Variants in SGK2 observed in about 807,000 individuals in gnomAD.
SGK2 encodes serine/threonine-protein kinase Sgk2.
A neutral mutation model predicts 47.5 loss-of-function variants in SGK2; 36 were observed. The observed-to-expected ratio is 0.76, with a 90% CI of 0.58 to 1.00. The LOEUF (loss-of-function observed/expected upper bound fraction) is 1.00. Among genes scored for constraint, SGK2 ranks in the 50% least tolerant of loss-of-function variants. SGK2 has a pLI of 0.00. For synonymous variants in SGK2, 157 were observed against 181.9 expected (o/e 0.86, Z 1.10); for missense variants, 404 against 467.4 (o/e 0.86, Z 1.25).
intron 1 of SGK2, among the ~76,000 whole-genome samples, chr20:43,562,166 C>T (rs1979424777): frequency 6.6e-6 from 1 of 151,928 alleles, no homozygotes; most frequent in African/African-American, 2.4e-5. Context: ...GTAATCCCAG[C>T]AATTTGGGAG....
At chr20:43,568,402 C>T (rs964399506) in intron 5 of SGK2, among the ~76,000 whole-genome samples, 4 of 152,256 alleles carry the variant, frequency 2.6e-5, no homozygotes, top group African/African-American at 4.8e-5. Flanking sequence ...CCTCAAACTC[C>T]TGGGCTTAAG....
At chr20:43,564,329 C>G (rs1979552419) in intron 1 of SGK2, among the ~76,000 whole-genome samples, 1 of 152,232 alleles carries the variant, frequency 6.6e-6, no homozygotes, top group African/African-American at 2.4e-5. Context: ...AGCTAGACAC[C>G]CAGGCTCCAG....
At chr20:43,576,546 C>G (rs1330536381) in intron 11 of SGK2, among the ~76,000 whole-genome samples, 167 bp downstream of exon 11, 1 of 152,252 alleles carries the variant, frequency 6.6e-6, no homozygotes, top group African/African-American at 2.4e-5. Context: ...TTTCTCCAGT[C>G]TAGTTCTCTT....
At chr20:43,566,295 A>C in intron 1 of SGK2, 178 bp from the exon 2 acceptor site, 2 of 1,575,352 alleles carry the variant, frequency 1.3e-6, no homozygotes, top group Non-Finnish European at 1.7e-6. Context: ...GGTCCAGGGG[A>C]TATCATTTCT....
chr20:43,567,180 C>A, intron 3 of SGK2, 63 bp downstream of exon 3: 1 of 1,363,760 alleles, frequency 7.3e-7, no homozygotes, highest in Non-Finnish European at 1.0e-6. Flanking sequence ...CTCCCCTTGC[C>A]TTGGGAATAA....
chr20:43,571,781 G>A, intron 8 of SGK2, among the ~76,000 whole-genome samples: 1 of 152,146 alleles, frequency 6.6e-6, no homozygotes, highest in East Asian at 1.9e-4. Context: ...TCTGTCTAGG[G>A]GTTTTCTGTC....
chr20:43,564,896 GAC>G (rs1273388478), intron 1 of SGK2: 1 of 152,874 alleles, frequency 6.5e-6, no homozygotes, highest in East Asian at 1.9e-4. Flanking sequence ...GCCACAGACA[GAC>G]ACACACGGAA....
At chr20:43,576,468 C>A in intron 11 of SGK2, 89 bp downstream of exon 11, 1 of 1,151,512 alleles carries the variant, frequency 8.7e-7, no homozygotes, top group Non-Finnish European at 1.2e-6. Flanking sequence ...ACGCATCCTG[C>A]TGCCTTCTAA....
At chr20:43,571,957 T>C in intron 8 of SGK2, 94 bp from the exon 9 acceptor site, 4 of 809,712 alleles carry the variant, frequency 4.9e-6, no homozygotes, top group Non-Finnish European at 8.2e-6. Context: ...CCACAGCTGC[T>C]GCCCTGGGGT....
Position 43,570,745 on chromosome 20 carries a change from G to A in SGK2, c.473+16G>A, listed in dbSNP as rs776869440. 5 of 1,579,774 alleles carry A rather than the reference G, an allele frequency of 3.2e-6. No homozygotes were observed. In the South Asian group the frequency reaches 4.4e-5, roughly 14 times the overall value. On this transcript the variant is annotated intron_variant, in intron 7 of 12. Coordinates refer to ENST00000373100, the MANE Select transcript of SGK2 (RefSeq NM_170693.3). Reference sequence around the variant, plus strand: ...TCATTTACAGGTGAGGCCTGCCTGTGGCTCAGAGCCAGGACCAAGCCCTTC... The same window carrying A: ...TCATTTACAGGTGAGGCCTGCCTGTAGCTCAGAGCCAGGACCAAGCCCTTC...
chr20:43,573,571 G>C (rs1980285345), intron 9 of SGK2, among the ~76,000 whole-genome samples: 1 of 152,158 alleles, frequency 6.6e-6, no homozygotes, highest in Admixed American at 6.6e-5. Context: ...GTCCCCAGTG[G>C]CTAGACAGAC....
intron 7 of SGK2, 110 bp from the exon 8 acceptor site, chr20:43,570,914 G>T: frequency 6.5e-7 from 1 of 1,544,882 alleles, no homozygotes. Flanking sequence ...TGCATCTCTG[G>T]CAACCTCCAT....
intron 9 of SGK2, among the ~76,000 whole-genome samples, chr20:43,574,149 C>T (rs1330950432): frequency 6.6e-6 from 1 of 152,198 alleles, no homozygotes; most frequent in African/African-American, 2.4e-5. Flanking sequence ...TGTGACTCTG[C>T]CCTTCCCTAG....
chr20:43,567,186 A>G (rs1237934381), intron 3 of SGK2, 69 bp downstream of exon 3: 1 of 1,297,958 alleles, frequency 7.7e-7, no homozygotes, highest in African/African-American at 1.5e-5. Flanking sequence ...TTGCCTTGGG[A>G]ATAAAATCCA....
chr20:43,570,876 A>G, intron 7 of SGK2, 147 bp downstream of exon 7: 2 of 1,371,274 alleles, frequency 1.5e-6, no homozygotes, highest in East Asian at 2.3e-5. Flanking sequence ...CCGAGGTCCA[A>G]GTGCCCAGCC....
intron 6 of SGK2, among the ~76,000 whole-genome samples, chr20:43,570,060 GA>G (rs1392727884): frequency 1.3e-5 from 2 of 152,320 alleles, no homozygotes; most frequent in South Asian, 2.1e-4. Context: ...ATGATGCTAA[GA>G]GGGGGGTTTT....
At chr20:43,561,360 C>T (rs6065625) in intron 1 of SGK2, among the ~76,000 whole-genome samples, 2 of 149,658 alleles carry the variant, frequency 1.3e-5, no homozygotes, top group Admixed American at 1.3e-4. Flanking sequence ...TCATATGGAT[C>T]TCATAAACCA....
At chr20:43,576,190 G>A in intron 10 of SGK2, 34 bp from the exon 11 acceptor site, 1 of 1,609,778 alleles carries the variant, frequency 6.2e-7, no homozygotes, top group Non-Finnish European at 8.5e-7. Flanking sequence ...ACTTTGCATG[G>A]GTGATCCTCC....
chr20:43,569,768 T>G (rs1280585210), intron 6 of SGK2: 7 of 458,606 alleles, frequency 1.5e-5, no homozygotes, highest in Non-Finnish European at 2.8e-5. Context: ...GCCTTCCTCA[T>G]TCAGAGTTGC....
Sources: allele counts gnomAD v4.1 joint callset (sites outside exome capture counted in the v4.1 genomes callset), GRCh38; gene constraint gnomAD v4.1.1; transcripts MANE v1.5; gene names NCBI Gene and HGNC (gene_info 2026-07-23, HGNC 2026-07-21).